Variants in FAM149A observed in about 807,000 individuals in gnomAD.
FAM149A encodes the protein family with sequence similarity 149 member A, also known as protein FAM149A.
Under a neutral mutation model 78.2 loss-of-function variants are expected in FAM149A, and 71 were observed. The observed-to-expected ratio is 0.91, with a 90% CI of 0.75 to 1.11. FAM149A has a LOEUF of 1.11. FAM149A is among the 50% of genes least tolerant of loss of function. The probability of loss-of-function intolerance (pLI) is 0.00; values close to 1 mark genes in which losing one functional copy is unlikely to be tolerated. For missense variants in FAM149A, 1,036 were observed against 971.0 expected, an observed-to-expected ratio of 1.07 and a Z score of -0.89; for synonymous variants, 446 against 410.5, an observed-to-expected ratio of 1.09 and a Z score of -1.04.
chr4:186,116,318 G>A (rs571056657), intron 1 of FAM149A: 54 of 279,698 alleles, frequency 1.9e-4, no homozygotes, highest in Admixed American at 7.3e-4. Flanking sequence ...AGATGCACCC[G>A]GTACCTCAGA....
intron 5 of FAM149A, 119 bp from the exon 6 acceptor site, chr4:186,154,349 G>A (rs753874289): frequency 1.6e-5 from 13 of 805,066 alleles, no homozygotes; most frequent in Non-Finnish European, 2.4e-5. Context: ...ATATTCAACC[G>A]TTTTGGGAGG....
At chr4:186,115,501 C>T (rs2099313148) in intron 1 of FAM149A, among the ~76,000 whole-genome samples, 2 of 70,810 alleles carry the variant, frequency 2.8e-5, no homozygotes, top group Admixed American at 1.9e-4. Flanking sequence ...TTTTTCTGTT[C>T]TGTTTTTTCC....
intron 1 of FAM149A, among the ~76,000 whole-genome samples, 172 bp from the exon 2 acceptor site, chr4:186,149,001 T>G (rs1307245723): frequency 1.2e-3 from 61 of 52,590 alleles, no homozygotes; most frequent in Admixed American, 7.8e-3. Flanking sequence ...CAGGATGGGG[T>G]GTGTGTGTGT....
rs72710515 is a variant in FAM149A at position 186,158,607 on chromosome 4, C to G, written c.1575+888C>G. The G allele has an allele frequency of 4.8e-6, 5 of 1,049,418 alleles. No individual in the cohort carries two copies. In the Admixed American group the frequency reaches 2.6e-4, roughly 54 times the overall value. The allele number at this position is 1,049,418 out of a possible 1,614,324, so 65.0% of individuals were successfully genotyped here. ...GCCTGCTGAGCATTGCCGCCCAGCC[C>G]GAGGCTGCAGACCCAGCCCCTGCAC... On this transcript the variant is annotated intron_variant, in intron 8 of 13. Coordinates refer to ENST00000389354, the MANE Select transcript of FAM149A (RefSeq NM_001367768.3).
chr4:186,157,418 C>T, intron 7 of FAM149A, 147 bp from the exon 8 acceptor site: 1 of 762,164 alleles, frequency 1.3e-6, no homozygotes, highest in South Asian at 1.8e-5. Flanking sequence ...CCACAGGGGT[C>T]TCTGCCCTCC....
At chr4:186,125,700 G>A in intron 1 of FAM149A, 1 of 984,592 alleles carries the variant, frequency 1.0e-6, no homozygotes, top group Non-Finnish European at 1.2e-6. Flanking sequence ...ATAAATGTTG[G>A]GGAATTAACA....
Position 186,105,303 on chromosome 4 carries a change from C to T in FAM149A, c.227C>T (p.Ser76Phe), listed in dbSNP as rs936645143. Residue 76 changes from serine (S) to phenylalanine (F), a missense_variant, in exon 1 of 14, where the codon TCC (serine) becomes TTC (phenylalanine). Ser to Phe is a radical substitution (Grantham distance 155, BLOSUM62 -2). Around this residue, in one of 3 missense-constraint regions of FAM149A, gnomAD observed 316 missense variants for 241.9 expected, o/e 1.31. Coordinates refer to ENST00000389354, the MANE Select transcript of FAM149A (RefSeq NM_001367768.3). Reference sequence around the variant, plus strand: ...CGGTCGCCCGCCCCGCTGCTCTCCTCCCCCTACTCCCGGGGCTCCGCCGCC... The same window carrying T: ...CGGTCGCCCGCCCCGCTGCTCTCCTTCCCCTACTCCCGGGGCTCCGCCGCC... The T allele has an allele frequency of 2.0e-5, 23 of 1,176,956 alleles. No individual in the cohort carries two copies. The highest frequency in any genetic ancestry group is 3.8e-4 in the Middle Eastern group (1 of 2,626). 72.9% of individuals were successfully genotyped at this position (1,176,956 alleles called of 1,614,324 possible).
intron 1 of FAM149A, chr4:186,124,164 A>G (rs1396521373): frequency 1.0e-6 from 1 of 985,288 alleles, no homozygotes; most frequent in African/African-American, 1.7e-5. Flanking sequence ...TAATCCTGTG[A>G]GTAGGAAATG....
chr4:186,117,816 G>A (rs759822923), intron 1 of FAM149A: 6 of 845,182 alleles, frequency 7.1e-6, no homozygotes, highest in African/African-American at 3.7e-5. Context: ...ACGCCTGAGA[G>A]GTATGGAGCC....
intron 1 of FAM149A, among the ~76,000 whole-genome samples, chr4:186,140,152 T>A (rs2099325199): frequency 6.6e-6 from 1 of 152,218 alleles, no homozygotes; most frequent in Admixed American, 6.5e-5. Context: ...AGTTATCAGC[T>A]CAGGATTGCA....
rs535421354 is a variant in FAM149A at position 186,165,106 on chromosome 4, C to T, written c.1890-238C>T. Among the ~76,000 whole-genome samples the T allele has an allele frequency of 9.8e-4, 149 of 152,178 alleles. 1 individual carries two copies. The highest frequency in any genetic ancestry group is 2.0e-3 in the Non-Finnish European group (134 of 68,044). On this transcript the variant is annotated intron_variant, in intron 10 of 13. Transcript: ENST00000389354. ...CTGACCCCCCCACACACCAGCTCTGCGTCTTCTCACCTCCATCCTCTGTCT... is the reference window on the plus strand; with the variant it reads ...CTGACCCCCCCACACACCAGCTCTGTGTCTTCTCACCTCCATCCTCTGTCT...
intron 10 of FAM149A, among the ~76,000 whole-genome samples, chr4:186,163,850 G>T (rs1226972820): frequency 6.6e-6 from 1 of 152,174 alleles, no homozygotes; most frequent in Non-Finnish European, 1.5e-5. Context: ...TGTCACACAG[G>T]CGGAATGAGC....
At chr4:186,132,178 AAGGGCAG>A (rs2099321013) in intron 1 of FAM149A, 21 of 985,362 alleles carry the variant, frequency 2.1e-5, no homozygotes, top group Non-Finnish European at 2.5e-5. Flanking sequence ...ACTTTTAATG[AAGGGCAG>A]ATTTTTAAAG....
chr4:186,131,629 A>G lies in FAM149A; in HGVS notation c.567-17544A>G, dbSNP rs556926498. ...CAATAAATAGTGCGGAACCAACTGT[A>G]TATCCTTACAGAAGTGGAAGACACC... On this transcript the variant is annotated intron_variant, in intron 1 of 13. Coordinates refer to ENST00000389354, the MANE Select transcript of FAM149A (RefSeq NM_001367768.3). 2.6e-5 allele frequency among the ~76,000 whole-genome samples: 4 copies of G among 152,364 alleles called. No homozygotes were observed. In the East Asian group the frequency reaches 7.7e-4, roughly 29 times the overall value.
rs953436358 is a variant in FAM149A, at chr4:186,122,801, A to C, written c.566+17159A>C. The C allele has an allele frequency of 2.4e-5, 16 of 658,840 alleles. No homozygotes were observed. The African/African-American group carries it at 3.1e-4, about 13-fold the overall frequency. The allele number at this position is 658,840 out of a possible 1,614,324, so 40.8% of individuals were successfully genotyped here. ...GTAAATATTTAGAGGATGAATATCT[A>C]AATGATGAAACAAAAGATCGTAAGT... is the stretch of plus-strand genomic sequence containing the variant. On this transcript the variant is annotated intron_variant, in intron 1 of 13. Transcript: ENST00000389354.
rs1732892035 is a variant in FAM149A at position 186,144,926 on chromosome 4, CGGG to C, written c.567-4246_567-4244del. The C allele has an allele frequency of 8.7e-5, 1 of 11,458 alleles. No homozygotes were observed. The highest frequency in any genetic ancestry group is 1.1e-4 in the Non-Finnish European group (1 of 9,428). 0.7% of individuals were successfully genotyped at this position (11,458 alleles called of 1,614,324 possible). Reference sequence around the variant, plus strand: ...CGCCTGAGCTGGGCCAGCCGCGCGGCGGGCGCGGGCGCGGGCGCGGGCGCGGGC... The same window carrying C: ...CGCCTGAGCTGGGCCAGCCGCGCGGCCGCGGGCGCGGGCGCGGGCGCGGGC... On this transcript the variant is annotated intron_variant, in intron 1 of 13. Coordinates refer to ENST00000389354, the MANE Select transcript of FAM149A (RefSeq NM_001367768.3). This position sits in a 1 kb window ranked among gnomAD's most constrained non-coding sequence, Gnocchi z 4.2.
At chr4:186,128,904 G>A (rs543783473) in intron 1 of FAM149A, among the ~76,000 whole-genome samples, 3 of 151,660 alleles carry the variant, frequency 2.0e-5, no homozygotes, top group South Asian at 4.2e-4. Flanking sequence ...GTGTGTGTCT[G>A]GGTATGCGTC....
At chr4:186,133,143 C>T in intron 1 of FAM149A, 19 of 985,388 alleles carry the variant, frequency 1.9e-5, no homozygotes, top group Non-Finnish European at 2.3e-5. Context: ...GACTTCTTTC[C>T]ACCCTACACA....
rs536361477 is a variant in FAM149A, at chr4:186,128,077, G to A, written c.567-21096G>A. ...ACGATTTCAGCTCACTGCAACCTCC[G>A]CCTCCTGAGTTCAAGCAATTCTCCT... On this transcript the variant is annotated intron_variant, in intron 1 of 13. Transcript: ENST00000389354. 5.4e-5 allele frequency among the ~76,000 whole-genome samples: 7 copies of A among 130,394 alleles called. No homozygotes were observed. In the South Asian group the frequency reaches 7.8e-4, roughly 15 times the overall value. The allele number at this position is 130,394 out of a possible 152,430, so 85.5% of individuals were successfully genotyped here.
Sources: gnomAD v4.1 joint callset for allele counts (sites outside exome capture counted in the v4.1 genomes callset) on GRCh38, gnomAD v4.1.1 for gene constraint, gnomAD v4.1.1 regional missense constraint, Gnocchi (gnomAD v3.1) non-coding constraint, MANE v1.5 for transcripts, NCBI Gene and HGNC (gene_info 2026-07-23, HGNC 2026-07-21) for gene names.